Variants in CXCL2 observed in about 807,000 individuals in gnomAD.
CXCL2 encodes the protein C-X-C motif chemokine ligand 2.
Under a neutral mutation model 11.2 loss-of-function variants are expected in CXCL2, and 12 were observed. The observed-to-expected ratio is 1.08, with a 90% CI of 0.69 to 1.74. The LOEUF (loss-of-function observed/expected upper bound fraction) is 1.74, where lower values mean the gene tolerates loss of function less well. CXCL2 is among the 40% of genes most tolerant of loss of function. CXCL2 has a pLI of 0.00. For missense variants in CXCL2, 120 were observed against 137.8 expected (o/e 0.87, Z 0.65); for synonymous variants, 68 against 61.9 (o/e 1.10, Z -0.47).
chr4:74,098,632 C>T lies in CXCL2; in HGVS notation c.277G>A (p.Val93Ile). 1 of 1,614,164 alleles carries T rather than the reference C, an allele frequency of 6.2e-7. No individual in the cohort carries two copies. The highest frequency in any genetic ancestry group is 2.2e-5 in the East Asian group (1 of 44,884). Residue 93 changes from valine to isoleucine, a missense_variant, in exon 3 of 4, where the codon GTT becomes ATT. Transcript: ENST00000508487. ...KACLNPASPM[V>I]KKIIEKMLKN... is the part of the protein sequence containing the mutation. ...AGCATCTTTTCGATGATTTTCTTAA[C>T]CATGGGCGATGCGGGGTTGAGACAA...
At chr4:74,097,896 A>C in intron 3 of CXCL2, 125 bp from the exon 4 acceptor site, 1 of 997,008 alleles carries the variant, frequency 1.0e-6, no homozygotes, top group Non-Finnish European at 1.4e-6. Context: ...CCTGGCACCC[A>C]AGTGGGTACT....
intron 3 of CXCL2, 26 bp from the exon 4 acceptor site, chr4:74,097,797 A>C (rs1454062523): frequency 6.3e-7 from 1 of 1,587,122 alleles, no homozygotes; most frequent in Non-Finnish European, 8.6e-7. Context: ...GGGTGCCCTG[A>C]GTAGGTGCTC....
Position 74,099,151 on chromosome 4 carries a change from C to A in CXCL2, c.-31G>T. ...TCAGCAGGCGGTTCGAGCGGCTGTG[C>A]GAGGAGGAGAGCTGGCAAGGAGCTG... is the stretch of plus-strand genomic sequence containing the variant. On this transcript the variant is annotated 5_prime_UTR_variant, in exon 1 of 4. Transcript: ENST00000508487. 6.8e-7 allele frequency: 1 copy of A among 1,465,250 alleles called. No homozygotes were observed. Among genetic ancestry groups the A allele is most frequent in the Non-Finnish European group, 9.0e-7 (1 of 1,111,952 alleles). 90.8% of individuals were successfully genotyped at this position (1,465,250 alleles called of 1,614,324 possible).
At chr4:74,098,770 T>TGGCAGC (rs1339011540) in intron 2 of CXCL2, 29 bp downstream of exon 2, 24 of 1,613,368 alleles carry the variant, frequency 1.5e-5, no homozygotes, top group Non-Finnish European at 1.8e-5. Context: ...ACCCCAGCAG[T>TGGCAGC]GGCAGCGGCA....
chr4:74,098,536 G>A (rs1010802582), intron 3 of CXCL2, 65 bp downstream of exon 3: 2 of 1,527,414 alleles, frequency 1.3e-6, no homozygotes, highest in African/African-American at 1.4e-5. Flanking sequence ...ACTTTTTAGG[G>A]GGCAGACGCC....
chr4:74,098,394 G>C, intron 3 of CXCL2: 1 of 538,262 alleles, frequency 1.9e-6, no homozygotes, highest in South Asian at 2.4e-5. Flanking sequence ...TGGCAGGAGG[G>C]AAGAACCTGG....
chr4:74,098,954 G>A, intron 1 of CXCL2, 32 bp from the exon 2 acceptor site: 1 of 1,599,500 alleles, frequency 6.3e-7, no homozygotes, highest in Non-Finnish European at 8.5e-7. Flanking sequence ...GATTGAGCGG[G>A]GCTGTCGGCG....
chr4:74,099,015 A>T lies in CXCL2; in HGVS notation c.100+6T>A. On this transcript the variant is annotated splice_donor_region_variant and intron_variant, in intron 1 of 3. Transcript: ENST00000508487. ...GGCCCGGGGACCCCAGGGCGCCGGG[A>T]CCCACCTGCTGCGCGCCGGCTGGCG... The T allele has an allele frequency of 6.6e-7, 1 of 1,522,596 alleles. No homozygotes were observed. Among genetic ancestry groups the T allele is most frequent in the Non-Finnish European group, 8.8e-7 (1 of 1,140,658 alleles). The allele number at this position is 1,522,596 out of a possible 1,614,324, so 94.3% of individuals were successfully genotyped here.
In CXCL2 at chr4:74,098,690, G is replaced by A. The variant is rs201623380; in HGVS notation, c.225-6C>T. 2.2e-5 allele frequency: 35 copies of A among 1,614,022 alleles called. No individual in the cohort carries two copies. Among genetic ancestry groups the A allele is most frequent in the Middle Eastern group, 1.6e-4 (1 of 6,084 alleles). On this transcript the variant is annotated splice_region_variant and splice_polypyrimidine_tract_variant and intron_variant, in intron 2 of 3. Transcript: ENST00000508487. ...GCCCATTCTTGAGTGTGGCTCTGCA[G>A]AGAGAAGGGAATCTCGTGAGACAGG...
rs200793450 is a variant in CXCL2, at chr4:74,097,064, G to A, written c.*692C>T. ...ATATTTTTAAATATTTTATTTTCCT[G>A]TTCTTTGTGAAAACATCAATAAATA... On this transcript the variant is annotated 3_prime_UTR_variant, in exon 4 of 4. Coordinates refer to ENST00000508487, the MANE Select transcript of CXCL2 (RefSeq NM_002089.4). 5.9e-5 allele frequency: 9 copies of A among 152,192 alleles called. No homozygotes were observed. The South Asian group carries it at 1.9e-3, about 32-fold the overall frequency. 9.4% of individuals were successfully genotyped at this position (152,192 alleles called of 1,614,324 possible). A position where few individuals can be genotyped will look rare whatever the true frequency, so the allele number is the denominator to read the frequency against.
rs368146276 is a variant in CXCL2 at position 74,098,816 on chromosome 4, G to A, written c.207C>T (p.Cys69=). 2.5e-6 allele frequency: 4 copies of A among 1,614,090 alleles called. No individual in the cohort carries two copies. Among genetic ancestry groups the A allele is most frequent in the Non-Finnish European group, 3.4e-6 (4 of 1,179,962 alleles). The change falls in exon 2 of 4, where the codon TGC becomes TGT. Residue 69 remains cysteine (C), a synonymous_variant. Transcript: ENST00000508487. The part of the protein sequence containing the change: ...SVKVKSPGPH[C]AQTEVIATLK... ...AGACTTACATGACTTCGGTTTGGGCGCAGTGGGGTCCGGGGGACTTCACCT... is the reference window on the plus strand; with the variant it reads ...AGACTTACATGACTTCGGTTTGGGCACAGTGGGGTCCGGGGGACTTCACCT...
rs1459566275 is a variant in CXCL2 at position 74,099,155 on chromosome 4, G to A, written c.-35C>T. On this transcript the variant is annotated 5_prime_UTR_variant, in exon 1 of 4. Transcript: ENST00000508487. ...CAGGCGGTTCGAGCGGCTGTGCGAGGAGGAGAGCTGGCAAGGAGCTGCCTG... is the reference window on the plus strand; with the variant it reads ...CAGGCGGTTCGAGCGGCTGTGCGAGAAGGAGAGCTGGCAAGGAGCTGCCTG... The A allele has an allele frequency of 1.6e-5, 24 of 1,460,628 alleles. No homozygotes were observed. The highest frequency in any genetic ancestry group is 2.1e-5 in the Non-Finnish European group (23 of 1,110,106). 90.5% of individuals were successfully genotyped at this position (1,460,628 alleles called of 1,614,324 possible). A position where few individuals can be genotyped will look rare whatever the true frequency, so the allele number is the denominator to read the frequency against.
At chr4:74,098,398 A>G (rs1721326585) in intron 3 of CXCL2, 16 of 552,494 alleles carry the variant, frequency 2.9e-5, no homozygotes, top group Middle Eastern at 4.9e-4. Flanking sequence ...AGGAGGGAAG[A>G]ACCTGGGTGG....
chr4:74,097,656 AG>A lies in CXCL2; in HGVS notation c.*99del. 8.4e-7 allele frequency: 1 copy of A among 1,190,678 alleles called. No homozygotes were observed. Among genetic ancestry groups the A allele is most frequent in the East Asian group, 2.5e-5 (1 of 39,712 alleles). The allele number at this position is 1,190,678 out of a possible 1,614,324, so 73.8% of individuals were successfully genotyped here. ...TGCTCAAACACATTAGGCGCAATCC[AG>A]GTGGCCTCTGCAGCTGTGTCTCTCT... On this transcript the variant is annotated 3_prime_UTR_variant, in exon 4 of 4. Coordinates refer to ENST00000508487, the MANE Select transcript of CXCL2 (RefSeq NM_002089.4).
In CXCL2 at chr4:74,097,650, C is replaced by T. The variant is rs1257762542; in HGVS notation, c.*106G>A. 2 of 1,090,802 alleles carry T rather than the reference C, an allele frequency of 1.8e-6. No homozygotes were observed. Among genetic ancestry groups the T allele is most frequent in the Non-Finnish European group, 2.5e-6 (2 of 802,626 alleles). The allele number at this position is 1,090,802 out of a possible 1,614,324, so 67.6% of individuals were successfully genotyped here. Reference sequence around the variant, plus strand: ...AAGTGATGCTCAAACACATTAGGCGCAATCCAGGTGGCCTCTGCAGCTGTG... The same window carrying T: ...AAGTGATGCTCAAACACATTAGGCGTAATCCAGGTGGCCTCTGCAGCTGTG... On this transcript the variant is annotated 3_prime_UTR_variant, in exon 4 of 4. Transcript: ENST00000508487.
chr4:74,097,480 G>GT lies in CXCL2; in HGVS notation c.*275dup, dbSNP rs1721304410. On this transcript the variant is annotated 3_prime_UTR_variant, in exon 4 of 4. Coordinates refer to ENST00000508487, the MANE Select transcript of CXCL2 (RefSeq NM_002089.4). ...ATGAATCAGGATTGAACTAACTTGG[G>GT]TTTGACCTAAAATAAACAATAAATA... 2 of 222,858 alleles carry GT rather than the reference G, an allele frequency of 9.0e-6. No homozygotes were observed. The highest frequency in any genetic ancestry group is 3.6e-4 in the South Asian group (2 of 5,588). The allele number at this position is 222,858 out of a possible 1,614,324, so 13.8% of individuals were successfully genotyped here. A position where few individuals can be genotyped will look rare whatever the true frequency, so the allele number is the denominator to read the frequency against.
At chr4:74,098,717 G>A in intron 2 of CXCL2, 33 bp from the exon 3 acceptor site, 1 of 1,614,070 alleles carries the variant, frequency 6.2e-7, no homozygotes, top group Non-Finnish European at 8.5e-7. Flanking sequence ...TGAGACAGGA[G>A]GTCGGGCTGA....
At position 74,098,933 on chromosome 4, in the gene CXCL2, A is replaced by C. The variant is rs765461293; in HGVS notation, c.101-11T>G. On this transcript the variant is annotated splice_polypyrimidine_tract_variant and intron_variant, in intron 1 of 3. Coordinates refer to ENST00000508487, the MANE Select transcript of CXCL2 (RefSeq NM_002089.4). ...TGGCCAGGGGCGCTCCTAGGGAAGA[A>C]GAGACTCGCTGATTGAGCGGGGCTG... is the stretch of plus-strand genomic sequence containing the variant. 3.1e-6 allele frequency: 5 copies of C among 1,611,430 alleles called. No individual in the cohort carries two copies. The Admixed American group carries it at 8.4e-5, about 27-fold the overall frequency.
chr4:74,098,762 C>A lies in CXCL2; in HGVS notation c.224+37G>T, dbSNP rs371945474. Reference sequence around the variant, plus strand: ...TTGGGGCAGCGGGAGAGTCGGGGACCCCAGCAGTGGCAGCGGCAGCGATGG... The same window carrying A: ...TTGGGGCAGCGGGAGAGTCGGGGACACCAGCAGTGGCAGCGGCAGCGATGG... On this transcript the variant is annotated intron_variant, in intron 2 of 3. Coordinates refer to ENST00000508487, the MANE Select transcript of CXCL2 (RefSeq NM_002089.4). 2.5e-6 allele frequency: 4 copies of A among 1,613,466 alleles called. No homozygotes were observed. The South Asian group carries it at 3.3e-5, about 13-fold the overall frequency.
Sources: gnomAD v4.1 joint callset for allele counts on GRCh38, gnomAD v4.1.1 for gene constraint, MANE v1.5 for transcripts, NCBI Gene and HGNC (gene_info 2026-07-23, HGNC 2026-07-21) for gene names.